NCOA2: variants seen among roughly 807,000 people sequenced by gnomAD.
NCOA2 encodes the protein nuclear receptor coactivator 2.
A neutral mutation model predicts 145.1 loss-of-function variants in NCOA2; 21 were observed. The ratio of observed to expected loss-of-function variants is 0.14; its 90% CI spans 0.10 to 0.21. NCOA2 has a LOEUF of 0.21. Among genes scored for constraint, NCOA2 ranks in the 10% least tolerant of loss-of-function variants. The pLI is 1.00. For missense variants in NCOA2, 1,472 were observed against 1,837.6 expected (o/e 0.80, Z 3.64); for synonymous variants, 619 against 637.5 (o/e 0.97, Z 0.44).
At chr8:70,252,037 C>G (rs1823231547) in intron 2 of NCOA2, among the ~76,000 whole-genome samples, 1 of 152,142 alleles carries the variant, frequency 6.6e-6, no homozygotes, top group African/African-American at 2.4e-5. Flanking sequence ...CTTATAATGC[C>G]TATACAAGGT....
chr8:70,429,872 G>A, the NCOA2 span, among the ~76,000 whole-genome samples: 12 of 152,056 alleles, frequency 7.9e-5, no homozygotes, highest in Admixed American at 5.2e-4. Flanking sequence ...TGGGGTTTTT[G>A]TTTTGTTTTC....
At chr8:70,132,971 T>A (rs1332883363) in intron 15 of NCOA2, among the ~76,000 whole-genome samples, 1 of 152,152 alleles carries the variant, frequency 6.6e-6, no homozygotes, top group Non-Finnish European at 1.5e-5. Context: ...TGTTATTATA[T>A]AAGATAATTG....
At chr8:70,408,535 A>C (rs1419230324), upstream of NCOA2, among the ~76,000 whole-genome samples, 1 of 152,214 alleles carries the variant, frequency 6.6e-6, no homozygotes, top group Non-Finnish European at 1.5e-5. Flanking sequence ...ACAGTGGCAC[A>C]TGCTTGTAGT....
intron 1 of NCOA2, among the ~76,000 whole-genome samples, chr8:70,396,342 GAAC>G (rs1216833742): frequency 6.6e-6 from 1 of 152,166 alleles, no homozygotes; most frequent in Non-Finnish European, 1.5e-5. Context: ...TTTATTGTGA[GAAC>G]AACAGGCAAC....
At chr8:70,289,433 C>T (rs1826498247) in intron 2 of NCOA2, among the ~76,000 whole-genome samples, 1 of 152,154 alleles carries the variant, frequency 6.6e-6, no homozygotes, top group South Asian at 2.1e-4. Context: ...TTAAAAATTT[C>T]CCCATTCATC....
chr8:70,329,129 T>C (rs575985708), intron 1 of NCOA2, among the ~76,000 whole-genome samples: 1 of 152,180 alleles, frequency 6.6e-6, no homozygotes, highest in East Asian at 1.9e-4. Context: ...TACTGTTTTC[T>C]GGTTTCTTTT....
At chr8:70,261,393 T>A (rs779854340) in intron 2 of NCOA2, among the ~76,000 whole-genome samples, 1 of 151,890 alleles carries the variant, frequency 6.6e-6, no homozygotes, top group African/African-American at 2.4e-5. Context: ...CAGGTGGGAA[T>A]TGAACAATGA....
At chr8:70,442,018 GAA>G in the NCOA2 span, among the ~76,000 whole-genome samples, 3 of 102,008 alleles carry the variant, frequency 2.9e-5, no homozygotes, top group African/African-American at 1.0e-4. Context: ...ATAAAGGAAA[GAA>G]AGAAAGAGAA....
At chr8:70,249,929 C>T (rs1822973444) in intron 2 of NCOA2, among the ~76,000 whole-genome samples, 1 of 131,432 alleles carries the variant, frequency 7.6e-6, no homozygotes, top group Non-Finnish European at 1.6e-5. Flanking sequence ...GAACATTGCA[C>T]TCCAGCCTAG....
At chr8:70,393,105 T>C (rs894876860) in intron 1 of NCOA2, among the ~76,000 whole-genome samples, 3 of 152,184 alleles carry the variant, frequency 2.0e-5, no homozygotes, top group African/African-American at 7.2e-5. Flanking sequence ...GACAGGGAAC[T>C]CAGCCTCTGA....
At position 70,128,800 on chromosome 8, in the gene NCOA2, G is replaced by C. The variant is rs766652202; in HGVS notation, c.3505C>G (p.Arg1169Gly). The C allele has an allele frequency of 1.9e-6, 3 of 1,614,040 alleles. No individual in the cohort carries two copies. Among genetic ancestry groups the C allele is most frequent in the Non-Finnish European group, 2.5e-6 (3 of 1,179,906 alleles). The change falls in exon 17 of 23, where the codon CGT becomes GGT. Residue 1169 changes from arginine (R) to glycine (G), a missense_variant. Physicochemically the swap from Arg to Gly is moderately radical, Grantham distance 125 (BLOSUM62 -2). Transcript: ENST00000452400. ...CTGAGGCCCGGTCTGGGCTGCATAC[G>C]GAGTGTGGCATAACTAGGCCGCTGT... ...MGQRPSYATL[R>G]MQPRPGLRPT...
rs1456563626 is a variant in NCOA2 at position 70,116,539 on chromosome 8, T to C, written c.4384-2896A>G. Among the ~76,000 whole-genome samples the C allele has an allele frequency of 2.7e-5, 4 of 150,552 alleles. No individual in the cohort carries two copies. The East Asian group carries it at 7.8e-4, about 29-fold the overall frequency. On this transcript the variant is annotated intron_variant, in intron 22 of 22. Transcript: ENST00000452400. ...GCACTCTAGCCTGGTCGACACAGAG[T>C]CCGTCTCAAAAAAAAAAAAAATTCT...
rs192319310 is a variant in NCOA2 at position 70,314,836 on chromosome 8, G to A, written c.-76-18036C>T. Among the ~76,000 whole-genome samples, 12 of 152,280 alleles carry A rather than the reference G, an allele frequency of 7.9e-5. No homozygotes were observed. The South Asian group carries it at 1.5e-3, about 18-fold the overall frequency. On this transcript the variant is annotated intron_variant, in intron 1 of 22. Coordinates refer to ENST00000452400, the MANE Select transcript of NCOA2 (RefSeq NM_006540.4). ...GTTTCCTAAGGCCTACAAGAGAAAC[G>A]CAAGTGTGCTATGTAATCAATGCTT...
chr8:70,137,102 C>T (rs138053007), intron 15 of NCOA2, among the ~76,000 whole-genome samples: 9 of 152,334 alleles, frequency 5.9e-5, no homozygotes, highest in East Asian at 3.9e-4. Context: ...TGCAACGGTG[C>T]GGTCTCAGCT....
intron 1 of NCOA2, among the ~76,000 whole-genome samples, chr8:70,362,386 CTG>C (rs1810286896): frequency 2.6e-5 from 4 of 152,076 alleles, no homozygotes; most frequent in Non-Finnish European, 2.9e-5. Flanking sequence ...AAGCCAAAAA[CTG>C]GGAGAAAATA....
intron 11 of NCOA2, among the ~76,000 whole-genome samples, chr8:70,148,757 T>C (rs952803710): frequency 3.9e-5 from 6 of 152,240 alleles, no homozygotes; most frequent in Admixed American, 2.6e-4. Flanking sequence ...TTGTGATTTA[T>C]TGGCAATTTA....
the NCOA2 span, among the ~76,000 whole-genome samples, chr8:70,435,625 A>C: frequency 6.6e-6 from 1 of 151,060 alleles, no homozygotes; most frequent in African/African-American, 2.4e-5. Flanking sequence ...AGATTGAATA[A>C]ATTCACACAT....
chr8:70,316,189 T>C (rs1388174919), intron 1 of NCOA2, among the ~76,000 whole-genome samples: 3 of 152,222 alleles, frequency 2.0e-5, no homozygotes, highest in Non-Finnish European at 4.4e-5. Flanking sequence ...AAACTATGTT[T>C]GTGTGAACAT....
the NCOA2 span, among the ~76,000 whole-genome samples, chr8:70,441,622 C>T: frequency 1.3e-5 from 2 of 148,848 alleles, no homozygotes; most frequent in East Asian, 4.1e-4. Flanking sequence ...GCAAGCAAGC[C>T]TCTCAGGTCT....
Sources: allele counts gnomAD v4.1 joint callset (sites outside exome capture counted in the v4.1 genomes callset), GRCh38; gene constraint gnomAD v4.1.1; transcripts MANE v1.5; gene names NCBI Gene and HGNC (gene_info 2026-07-23, HGNC 2026-07-21).